SYT7: variants seen among roughly 807,000 people sequenced by gnomAD.
SYT7 encodes the protein synaptotagmin-7.
A neutral mutation model predicts 75.1 loss-of-function variants in SYT7; 29 were observed. The ratio of observed to expected loss-of-function variants is 0.39; its 90% CI spans 0.29 to 0.53. The LOEUF is 0.53. Among genes scored for constraint, SYT7 ranks in the 20% least tolerant of loss-of-function variants. SYT7 has a pLI of 0.77. For missense variants in SYT7, 693 were observed against 953.2 expected (o/e 0.73, Z 3.59); for synonymous variants, 376 against 401.7 (o/e 0.94, Z 0.76).
In SYT7 at chr11:61,581,031, C is replaced by G. The variant is rs1222852209; in HGVS notation, c.-211G>C. On this transcript the variant is annotated 5_prime_UTR_variant, in exon 1 of 13. Transcript: ENST00000539008. ...CCGCGGAGCACGCTGCCGCCGCCGC[C>G]GAACAGCGCCGAGCCGCCTCCCTCC... The G allele has an allele frequency of 1.3e-5, 10 of 797,904 alleles. No individual in the cohort carries two copies. In the South Asian group the frequency reaches 1.6e-4, roughly 13 times the overall value. The allele number at this position is 797,904 out of a possible 1,614,324, so 49.4% of individuals were successfully genotyped here.
Position 61,514,568 on chromosome 11 carries a change from G to T in SYT7, c.*4059C>A, listed in dbSNP as rs1165783033. 6.6e-6 allele frequency among the ~76,000 whole-genome samples: 1 copy of T among 151,782 alleles called. No individual in the cohort carries two copies. Among genetic ancestry groups the T allele is most frequent in the African/African-American group, 2.4e-5 (1 of 41,088 alleles). The stretch of plus-strand genomic sequence containing the variant: ...GCACCTTCCTTCTGAAGTACCCTGA[G>T]AGCTGCGGGGGCTCAGCTTCCCCTG... On this transcript the variant is annotated 3_prime_UTR_variant, in exon 13 of 13. Coordinates refer to ENST00000539008, the MANE Select transcript of SYT7 (RefSeq NM_001365809.2).
Position 61,524,001 on chromosome 11 carries a change from T to A in SYT7, c.1642-60A>T. The A allele has an allele frequency of 6.6e-7, 1 of 1,510,662 alleles. No homozygotes were observed. Among genetic ancestry groups the A allele is most frequent in the Non-Finnish European group, 9.2e-7 (1 of 1,088,216 alleles). 93.6% of individuals were successfully genotyped at this position (1,510,662 alleles called of 1,614,324 possible). ...GGCTAGCAGAGCTCTCTGATTGGCC[T>A]AGCTGCCCCCAGGTCCCCTCTACCC... On this transcript the variant is annotated intron_variant, in intron 10 of 12. Coordinates refer to ENST00000539008, the MANE Select transcript of SYT7 (RefSeq NM_001365809.2). This position sits in a 1 kb window ranked among gnomAD's most constrained non-coding sequence, Gnocchi z 4.1.
At chr11:61,550,797 C>G (rs2063325318) in intron 3 of SYT7, among the ~76,000 whole-genome samples, 1 of 152,176 alleles carries the variant, frequency 6.6e-6, no homozygotes, top group African/African-American at 2.4e-5. Flanking sequence ...GAAGAGGGCT[C>G]TACGGCAGAA....
Position 61,542,361 on chromosome 11 carries a change from G to A in SYT7, c.791C>T (p.Pro264Leu). The stretch of plus-strand genomic sequence containing the variant: ...AGCCTGGCCCCGGCCATAGGCCCGG[G>A]GGTTGGGGCCTGGTGCCGAGGCCAT... ...AHMASAPGPN[P>L]RAYGRGQARQ... Residue 264 changes from proline to leucine, a missense_variant, in exon 6 of 13, where the codon CCC becomes CTC. By Grantham distance (98) the Pro-to-Leu change is moderately conservative. Transcript: ENST00000539008. This position sits in a 1 kb window ranked among gnomAD's most constrained non-coding sequence, Gnocchi z 7.8. The A allele has an allele frequency of 6.5e-7, 1 of 1,530,742 alleles. No homozygotes were observed. The highest frequency in any genetic ancestry group is 1.2e-5 in the South Asian group (1 of 83,770). The allele number at this position is 1,530,742 out of a possible 1,614,324, so 94.8% of individuals were successfully genotyped here. A position where few individuals can be genotyped will look rare whatever the true frequency, so the allele number is the denominator to read the frequency against.
Position 61,542,875 on chromosome 11 carries a change from C to G in SYT7, c.573-296G>C, listed in dbSNP as rs924541164. On this transcript the variant is annotated intron_variant, in intron 5 of 12. Coordinates refer to ENST00000539008, the MANE Select transcript of SYT7 (RefSeq NM_001365809.2). This position sits in a 1 kb window ranked among gnomAD's most constrained non-coding sequence, Gnocchi z 7.8. ...TGGCTAGGCCGACCTCCCTGCCGGT[C>G]TGAGTGGGCTGCGAGTGCTGCTGAG... 2.6e-5 allele frequency among the ~76,000 whole-genome samples: 4 copies of G among 152,230 alleles called. No individual in the cohort carries two copies. The highest frequency in any genetic ancestry group is 2.0e-4 in the Admixed American group (3 of 15,290).
chr11:61,575,853 G>A (rs1279925201), intron 1 of SYT7, among the ~76,000 whole-genome samples: 1 of 152,204 alleles, frequency 6.6e-6, no homozygotes, highest in Non-Finnish European at 1.5e-5. Context: ...ACACACACTA[G>A]GTACACATAC....
upstream of SYT7, among the ~76,000 whole-genome samples, chr11:61,583,093 G>T (rs187250446): frequency 3.0e-3 from 456 of 152,126 alleles, 6 homozygotes; most frequent in South Asian, 0.038. Context: ...CCAGTGTAGT[G>T]GTGCGCCCCT....
In SYT7 at chr11:61,542,860, G is replaced by A. The variant is rs780922399; in HGVS notation, c.573-281C>T. On this transcript the variant is annotated intron_variant, in intron 5 of 12. Coordinates refer to ENST00000539008, the MANE Select transcript of SYT7 (RefSeq NM_001365809.2). The surrounding 1 kb of genome is among the most constrained non-coding windows in gnomAD (Gnocchi z 7.8). ...TGCCAGAATACCTCCTGGCTAGGCC[G>A]ACCTCCCTGCCGGTCTGAGTGGGCT... 5.9e-5 allele frequency among the ~76,000 whole-genome samples: 9 copies of A among 152,216 alleles called. No homozygotes were observed. Among genetic ancestry groups the A allele is most frequent in the Non-Finnish European group, 8.8e-5 (6 of 68,026 alleles).
upstream of SYT7, among the ~76,000 whole-genome samples, chr11:61,581,830 G>C (rs1590975673): frequency 6.6e-6 from 1 of 152,112 alleles, no homozygotes. Flanking sequence ...CTAGCACTTC[G>C]GAGGGTAGGA....
At chr11:61,538,107 T>TGCCGCC in intron 7 of SYT7, 37 bp downstream of exon 7, 1 of 1,533,448 alleles carries the variant, frequency 6.5e-7, no homozygotes, top group Non-Finnish European at 8.7e-7. Context: ...CCTCCTTCTC[T>TGCCGCC]GCCGCCGCCG....
upstream of SYT7, among the ~76,000 whole-genome samples, chr11:61,581,330 CCA>C (rs1565216910): frequency 6.6e-6 from 1 of 150,700 alleles, no homozygotes; most frequent in African/African-American, 2.4e-5. Flanking sequence ...CCGCCGAGCC[CCA>C]CGGCCGGGCT....
At chr11:61,583,192 C>G (rs1167169904), upstream of SYT7, among the ~76,000 whole-genome samples, 8 of 151,946 alleles carry the variant, frequency 5.3e-5, no homozygotes, top group South Asian at 6.3e-4. Context: ...GCACCACTGC[C>G]CTCCAACCCG....
intron 1 of SYT7, among the ~76,000 whole-genome samples, chr11:61,573,030 C>T (rs1021415855): frequency 1.4e-4 from 22 of 152,220 alleles, no homozygotes; most frequent in Admixed American, 1.0e-3. Context: ...AACCAGGCCC[C>T]GCTGTGAATG....
At position 61,580,823 on chromosome 11, in the gene SYT7, TC is replaced by T. The variant is rs1168084318; in HGVS notation, c.-4del. On this transcript the variant is annotated 5_prime_UTR_variant, in exon 1 of 13. Coordinates refer to ENST00000539008, the MANE Select transcript of SYT7 (RefSeq NM_001365809.2). This position sits in a 1 kb window ranked among gnomAD's most constrained non-coding sequence, Gnocchi z 6.1. ...GCCGCCTCCGGGTCCCGGTACATGGTCCCCTCGTCGCCGGTTCCCTCCGGGC... is the reference window on the plus strand; with the variant it reads ...GCCGCCTCCGGGTCCCGGTACATGGTCCCTCGTCGCCGGTTCCCTCCGGGC... The T allele has an allele frequency of 7.9e-7, 1 of 1,269,080 alleles. No individual in the cohort carries two copies. The allele number at this position is 1,269,080 out of a possible 1,614,324, so 78.6% of individuals were successfully genotyped here.
At chr11:61,538,860 T>C (rs1445309585) in intron 6 of SYT7, among the ~76,000 whole-genome samples, 2 of 152,208 alleles carry the variant, frequency 1.3e-5, no homozygotes, top group Non-Finnish European at 2.9e-5. Flanking sequence ...AAGCCCTTCA[T>C]AGACAACGCT....
chr11:61,549,471 T>C (rs2063285912), intron 3 of SYT7, among the ~76,000 whole-genome samples: 1 of 152,240 alleles, frequency 6.6e-6, no homozygotes, highest in Non-Finnish European at 1.5e-5. Flanking sequence ...ACAAGGGCCC[T>C]GACGAACACA....
upstream of SYT7, among the ~76,000 whole-genome samples, chr11:61,582,079 C>G (rs537421612): frequency 1.1e-4 from 16 of 146,716 alleles, no homozygotes; most frequent in Admixed American, 1.1e-3. Context: ...CACGTAATCA[C>G]CTACATACAC....
chr11:61,536,011 AGCTTTGGGAAGGGGAGAGTCT>A lies in SYT7; in HGVS notation c.1064+2112_1064+2132del, dbSNP rs2062859979. Among the ~76,000 whole-genome samples, 3 of 152,102 alleles carry A rather than the reference AGCTTTGGGAAGGGGAGAGTCT, an allele frequency of 2.0e-5. No individual in the cohort carries two copies. The South Asian group carries it at 6.2e-4, about 32-fold the overall frequency. On this transcript the variant is annotated intron_variant, in intron 7 of 12. Coordinates refer to ENST00000539008, the MANE Select transcript of SYT7 (RefSeq NM_001365809.2). ...TGCCCAGTGGGTGGTGCTGGTGCCA[AGCTTTGGGAAGGGGAGAGTCT>A]GCTGGGAAGGAAGCATTGGATTCTG...
Position 61,580,775 on chromosome 11 carries a change from C to T in SYT7, c.31+15G>A. 1 of 1,261,190 alleles carries T rather than the reference C, an allele frequency of 7.9e-7. No homozygotes were observed. The highest frequency in any genetic ancestry group is 1.0e-6 in the Non-Finnish European group (1 of 1,003,342). The allele number at this position is 1,261,190 out of a possible 1,614,324, so 78.1% of individuals were successfully genotyped here. A position where few individuals can be genotyped will look rare whatever the true frequency, so the allele number is the denominator to read the frequency against. ...GCCGGTGCGGGGCGCCCCAGCCCGC[C>T]GGGGCCGCGCTTACCTGGGCTGGCC... On this transcript the variant is annotated intron_variant, in intron 1 of 12. Coordinates refer to ENST00000539008, the MANE Select transcript of SYT7 (RefSeq NM_001365809.2). This position sits in a 1 kb window ranked among gnomAD's most constrained non-coding sequence, Gnocchi z 6.1.
Sources: allele counts gnomAD v4.1 joint callset (sites outside exome capture counted in the v4.1 genomes callset), GRCh38; gene constraint gnomAD v4.1.1; non-coding constraint Gnocchi (gnomAD v3.1); transcripts MANE v1.5; gene names NCBI Gene and HGNC (gene_info 2026-07-23, HGNC 2026-07-21).